Variants in ECH1 observed in about 807,000 individuals in gnomAD.
ECH1 encodes the protein delta(3,5)-Delta(2,4)-dienoyl-CoA isomerase, mitochondrial.
Under a neutral mutation model 37.0 loss-of-function variants are expected in ECH1, and 30 were observed. The ratio of observed to expected loss-of-function variants is 0.81; its 90% confidence interval spans 0.61 to 1.10. The LOEUF is 1.10. Among genes scored for constraint, ECH1 ranks in the 50% least tolerant of loss-of-function variants. ECH1 has a pLI of 0.00. For synonymous variants in ECH1, 178 were observed against 176.0 expected (o/e 1.01, Z -0.09); for missense variants, 456 against 441.6 (o/e 1.03, Z -0.29).
At chr19:38,822,671 G>A (rs868704255) in intron 3 of ECH1, among the ~76,000 whole-genome samples, 2 of 152,076 alleles carry the variant, frequency 1.3e-5, no homozygotes, top group African/African-American at 4.8e-5. Context: ...ACTTGGAGAA[G>A]TTTTGTGTCT....
intron 1 of ECH1, 90 bp from the exon 2 acceptor site, chr19:38,831,606 C>T (rs1283213255): frequency 6.4e-7 from 1 of 1,558,588 alleles, no homozygotes; most frequent in Non-Finnish European, 8.7e-7. Context: ...AGCACACGCA[C>T]CCCTGAATTT....
chr19:38,831,309 C>T lies in ECH1; in HGVS notation c.260G>A (p.Arg87Lys), dbSNP rs749124991. 1.2e-6 allele frequency: 2 copies of T among 1,609,352 alleles called. No homozygotes were observed. The highest frequency in any genetic ancestry group is 2.7e-5 in the African/African-American group (2 of 74,862). ...GGCCTCCAGGATCTGCAGGTCAGAC[C>T]TCCAGAAGACCTTGTTCATGGCATT... Reference protein sequence around the residue: ...KRNAMNKVFWREMVECFNKIS... With the variant: ...KRNAMNKVFWKEMVECFNKIS... The change falls in exon 2 of 10, where the codon AGA (arginine) becomes AAA (lysine). Residue 87 changes from arginine to lysine, a missense_variant and splice_region_variant. Transcript: ENST00000221418.
rs753050715 is a variant in ECH1, at chr19:38,831,136, C to G, written c.291G>C (p.Ser97=). The G allele has an allele frequency of 6.2e-7, 1 of 1,614,140 alleles. No individual in the cohort carries two copies. Among genetic ancestry groups the G allele is most frequent in the Admixed American group, 1.7e-5 (1 of 60,022 alleles). ...REMVECFNKI[S]RDADCRAVVI... ...CCACCGCCCGACAGTCAGCGTCTCT[C>G]GAAATCTTGTTGAAGCACTCTACCA... is the stretch of plus-strand genomic sequence containing the variant. The change falls in exon 3 of 10, where the codon TCG becomes TCC. Residue 97 remains serine (S), a synonymous_variant. Transcript: ENST00000221418.
At chr19:38,816,799 C>G (rs902707021) in intron 6 of ECH1, 3 of 620,980 alleles carry the variant, frequency 4.8e-6, no homozygotes, top group Non-Finnish European at 8.5e-6. Context: ...ACCTGAGACC[C>G]CTTTACTGCA....
In ECH1 at chr19:38,829,285, C is replaced by CA. The variant is rs35813067; in HGVS notation, c.349+1792dup. On this transcript the variant is annotated intron_variant, in intron 3 of 9. Transcript: ENST00000221418. Reference sequence around the variant, plus strand: ...GGTCAACAGAGTGAGACTCCTTCTCCAAAAAAAAAAAAAAAAAAAAAAAAA... The same window carrying CA: ...GGTCAACAGAGTGAGACTCCTTCTCCAAAAAAAAAAAAAAAAAAAAAAAAAA... Among the ~76,000 whole-genome samples, 510 of 64,200 alleles carry CA rather than the reference C, an allele frequency of 7.9e-3. 9 individuals are homozygous for CA. The highest frequency in any genetic ancestry group is 0.021 in the Middle Eastern group (2 of 94). 42.1% of individuals were successfully genotyped at this position (64,200 alleles called of 152,430 possible).
At chr19:38,820,939 A>G (rs2145375173) in intron 3 of ECH1, among the ~76,000 whole-genome samples, 1 of 152,342 alleles carries the variant, frequency 6.6e-6, no homozygotes, top group African/African-American at 2.4e-5. Flanking sequence ...ATGTTTGTCA[A>G]ATGAATGAAC....
At chr19:38,829,444 A>C (rs183969359) in intron 3 of ECH1, among the ~76,000 whole-genome samples, 62 of 144,696 alleles carry the variant, frequency 4.3e-4, no homozygotes, top group African/African-American at 1.5e-3. Context: ...CTGGGTGACA[A>C]AGCGAGACTC....
At chr19:38,824,268 C>A (rs771479805) in intron 3 of ECH1, among the ~76,000 whole-genome samples, 35 of 152,194 alleles carry the variant, frequency 2.3e-4, no homozygotes, top group Admixed American at 8.5e-4. Flanking sequence ...GTAAGGGCCA[C>A]TAAATCCGAC....
intron 3 of ECH1, among the ~76,000 whole-genome samples, chr19:38,825,686 G>C (rs886735471): frequency 1.3e-5 from 2 of 152,198 alleles, no homozygotes; most frequent in Non-Finnish European, 2.9e-5. Context: ...TAGTGGTTCA[G>C]AGAGGACAGA....
At position 38,815,863 on chromosome 19, in the gene ECH1, G is replaced by T; in HGVS notation, c.876C>A (p.Asn292Lys). 6.2e-7 allele frequency: 1 copy of T among 1,614,202 alleles called. No homozygotes were observed. The highest frequency in any genetic ancestry group is 8.5e-7 in the Non-Finnish European group (1 of 1,180,030). Residue 292 changes from asparagine to lysine, a missense_variant, in exon 9 of 10, where the codon AAC becomes AAA. Physicochemically the swap from Asn to Lys is moderately conservative, Grantham distance 94 (BLOSUM62 0). Transcript: ENST00000221418. ...GTCGGAGCGTGCACCTTACCACGTAGTTGAGGCTCTCGGCCACCGAATGGT... is the reference window on the plus strand; with the variant it reads ...GTCGGAGCGTGCACCTTACCACGTATTTGAGGCTCTCGGCCACCGAATGGT... ...SRDHSVAESL[N>K]YVASWNMSML...
chr19:38,818,472 G>A, intron 3 of ECH1: 1 of 773,648 alleles, frequency 1.3e-6, no homozygotes, highest in Non-Finnish European at 1.6e-6. Flanking sequence ...TCTTGGGTCA[G>A]ATCCTCTTTT....
At chr19:38,830,778 T>G in intron 3 of ECH1, 1 of 369,356 alleles carries the variant, frequency 2.7e-6, no homozygotes, top group Non-Finnish European at 5.0e-6. Flanking sequence ...ATGGAGACCA[T>G]CCTGGCCAAT....
intron 3 of ECH1, among the ~76,000 whole-genome samples, chr19:38,818,932 T>TGTGCGCGC (rs144733422): frequency 2.7e-4 from 38 of 142,858 alleles, no homozygotes; most frequent in East Asian, 6.2e-4. Context: ...TGTGTGTGTG[T>TGTGCGCGC]GCACTGTTCC....
intron 5 of ECH1, 53 bp from the exon 6 acceptor site, chr19:38,817,182 C>T: frequency 1.3e-6 from 2 of 1,552,430 alleles, no homozygotes; most frequent in South Asian, 2.4e-5. Flanking sequence ...AACCCTGGCT[C>T]CCGGGAGGTG....
At chr19:38,831,570 T>C (rs1971826333) in intron 1 of ECH1, 54 bp from the exon 2 acceptor site, 2 of 1,571,060 alleles carry the variant, frequency 1.3e-6, no homozygotes, top group Non-Finnish European at 1.7e-6. Flanking sequence ...CACAGGCCTA[T>C]CGAATTAGGG....
In ECH1 at chr19:38,831,405, T is replaced by G; in HGVS notation, c.164A>C (p.Tyr55Ser). The change falls in exon 2 of 10, where the codon TAT becomes TCT. Residue 55 changes from tyrosine to serine, a missense_variant. Tyr to Ser is a moderately radical substitution (Grantham distance 144). Transcript: ENST00000221418. ...VALGEAPDHS[Y>S]ESLRVTSAQK... ...CGCAGACGTCACACGAAGGGACTCATAGCTGTGGTCTGGGGCTTCACCGAG... is the reference window on the plus strand; with the variant it reads ...CGCAGACGTCACACGAAGGGACTCAGAGCTGTGGTCTGGGGCTTCACCGAG... 6.2e-7 allele frequency: 1 copy of G among 1,614,052 alleles called. No individual in the cohort carries two copies.
At chr19:38,824,346 C>CT (rs1005420155) in intron 3 of ECH1, among the ~76,000 whole-genome samples, 14 of 152,176 alleles carry the variant, frequency 9.2e-5, no homozygotes, top group Non-Finnish European at 1.8e-4. Context: ...ATGAGCACAA[C>CT]TATTCCGATC....
At chr19:38,816,401 T>C in intron 7 of ECH1, 46 bp from the exon 8 acceptor site, 1 of 1,613,914 alleles carries the variant, frequency 6.2e-7, no homozygotes, top group Non-Finnish European at 8.5e-7. Context: ...ACCCCGGGGC[T>C]GGGAGATGCT....
chr19:38,816,111 C>T (rs1344550701), intron 8 of ECH1, 104 bp from the exon 9 acceptor site: 6 of 1,531,424 alleles, frequency 3.9e-6, no homozygotes, highest in Non-Finnish European at 4.4e-6. Context: ...CCCAAGACCC[C>T]AGAGAAACAG....
Sources: allele counts gnomAD v4.1 joint callset (sites outside exome capture counted in the v4.1 genomes callset), GRCh38; gene constraint gnomAD v4.1.1; transcripts MANE v1.5; gene names NCBI Gene and HGNC (gene_info 2026-07-23, HGNC 2026-07-21).